MYH13: variants seen among roughly 807,000 people sequenced by gnomAD.
MYH13 encodes myosin heavy chain 13, also known as myosin-13.
A neutral mutation model predicts 232.1 loss-of-function variants in MYH13; 177 were observed. That is an observed-to-expected ratio of 0.76 (90% CI 0.67 to 0.86). The LOEUF is 0.86. Among genes scored for constraint, MYH13 ranks in the 40% least tolerant of loss-of-function variants. The pLI is 0.00. For synonymous variants in MYH13, 884 were observed against 923.5 expected (o/e 0.96, Z 0.78); for missense variants, 2,246 against 2,405.9 (o/e 0.93, Z 1.39).
chr17:10,325,379 A>G (rs2142239466), intron 22 of MYH13, among the ~76,000 whole-genome samples: 1 of 151,854 alleles, frequency 6.6e-6, no homozygotes, highest in South Asian at 2.1e-4. Flanking sequence ...AGGTATCACT[A>G]TGTTGCCCAG....
intron 8 of MYH13, among the ~76,000 whole-genome samples, chr17:10,355,918 A>G (rs1260625241): frequency 1.4e-5 from 2 of 138,902 alleles, no homozygotes; most frequent in Non-Finnish European, 3.0e-5. Context: ...TGAGTTTCAC[A>G]TATGGCTGAC....
chr17:10,328,256 C>T, intron 21 of MYH13, 135 bp from the exon 22 acceptor site: 1 of 965,214 alleles, frequency 1.0e-6, no homozygotes, highest in Non-Finnish European at 1.5e-6. Flanking sequence ...CTTGGCAGAT[C>T]CTCTGGATCC....
chr17:10,347,711 T>A (rs777257298), intron 12 of MYH13, among the ~76,000 whole-genome samples: 19 of 133,272 alleles, frequency 1.4e-4, no homozygotes, highest in Non-Finnish European at 2.1e-4. Context: ...AGGGACTACT[T>A]CTTTTTTTTT....
At position 10,313,066 on chromosome 17, in the gene MYH13, G is replaced by T. The variant is rs1281004967; in HGVS notation, c.4181+92C>A. 2.5e-6 allele frequency: 4 copies of T among 1,575,930 alleles called. No homozygotes were observed. The East Asian group carries it at 9.0e-5, about 35-fold the overall frequency. ...GTGTTTCAGAAACCACAAAGGCGTGGGCAGGAAAGAATCTCTCAAGATATG... is the reference window on the plus strand; with the variant it reads ...GTGTTTCAGAAACCACAAAGGCGTGTGCAGGAAAGAATCTCTCAAGATATG... On this transcript the variant is annotated intron_variant, in intron 30 of 40. Coordinates refer to ENST00000252172, the MANE Select transcript of MYH13 (RefSeq NM_003802.3).
chr17:10,308,364 A>T (rs960254258), intron 35 of MYH13, among the ~76,000 whole-genome samples: 2 of 147,302 alleles, frequency 1.4e-5, no homozygotes, highest in African/African-American at 4.9e-5. Flanking sequence ...TATGTTCATG[A>T]TTGTTAAATT....
chr17:10,344,645 G>A (rs571808989), intron 15 of MYH13, among the ~76,000 whole-genome samples: 1 of 151,072 alleles, frequency 6.6e-6, no homozygotes, highest in Non-Finnish European at 1.5e-5. Context: ...GTGAAACCCC[G>A]TCTCTACAAA....
At chr17:10,320,023 A>G (rs1906874214) in intron 26 of MYH13, 130 bp downstream of exon 26, 2 of 702,816 alleles carry the variant, frequency 2.8e-6, no homozygotes, top group Non-Finnish European at 4.8e-6. Flanking sequence ...ACTAAAGGAA[A>G]TGACAGGACA....
In MYH13 at chr17:10,332,103, G is replaced by A. The variant is rs868549264; in HGVS notation, c.2294C>T (p.Thr765Ile). 8.7e-6 allele frequency: 14 copies of A among 1,613,894 alleles called. No individual in the cohort carries two copies. Among genetic ancestry groups the A allele is most frequent in the East Asian group, 2.2e-5 (1 of 44,874 alleles). Residue 765 changes from threonine (T) to isoleucine (I), a missense_variant, in exon 20 of 41, where the codon ACC (threonine) becomes ATC (isoleucine). Transcript: ENST00000252172. The part of the protein sequence containing the change: ...VDREQFRFGN[T>I]KVFFKAGLLG... ...CCCAGCCTTGCCTGTGCTCACCTTG[G>A]TGTTGCCGAACCTGAACTGCTCCCG...
In MYH13 at chr17:10,306,220, A is replaced by ATGTGTG. The variant is rs34889608; in HGVS notation, c.5466+233_5466+238dup. Reference sequence around the variant, plus strand: ...CTGAGGTGTGAGCATACCAAAATAGATGTGTGTGTGTGTGTGTGTGTGTGT... The same window carrying ATGTGTG: ...CTGAGGTGTGAGCATACCAAAATAGATGTGTGTGTGTGTGTGTGTGTGTGTGTGTGT... On this transcript the variant is annotated intron_variant, in intron 37 of 40. Coordinates refer to ENST00000252172, the MANE Select transcript of MYH13 (RefSeq NM_003802.3). The surrounding 1 kb of genome is among the most constrained non-coding windows in gnomAD (Gnocchi z 4.3). Among the ~76,000 whole-genome samples, 5,233 of 129,954 alleles carry ATGTGTG rather than the reference A, an allele frequency of 0.04. 127 individuals carry two copies. Among genetic ancestry groups the ATGTGTG allele is most frequent in the South Asian group, 0.049 (172 of 3,532 alleles). The allele number at this position is 129,954 out of a possible 152,430, so 85.3% of individuals were successfully genotyped here.
chr17:10,343,668 A>G (rs2071636733), intron 16 of MYH13, 132 bp downstream of exon 16: 1 of 1,089,640 alleles, frequency 9.2e-7, no homozygotes, highest in African/African-American at 1.6e-5. Flanking sequence ...GGAGGAAGAA[A>G]AATGGAGCTG....
At chr17:10,329,210 A>G (rs1354214482) in intron 21 of MYH13, among the ~76,000 whole-genome samples, 1 of 152,126 alleles carries the variant, frequency 6.6e-6, no homozygotes, top group African/African-American at 2.4e-5. Flanking sequence ...TGGCTCTGAC[A>G]GTTAGAGCCA....
At chr17:10,361,545 C>T (rs9807016) in intron 5 of MYH13, among the ~76,000 whole-genome samples, 24,428 of 152,180 alleles carry the variant, frequency 0.16, 2,423 homozygotes, top group Non-Finnish European at 0.23. Flanking sequence ...CCACCTGCCT[C>T]GGCCTCCCAA....
chr17:10,312,627 G>A lies in MYH13; in HGVS notation c.4312C>T (p.Arg1438Cys), dbSNP rs141961168. 0.016 allele frequency: 26,071 copies of A among 1,613,104 alleles called. 271 individuals are homozygous for A. The highest frequency in any genetic ancestry group is 0.02 in the Non-Finnish European group (23,719 of 1,179,584). ...EVEDLMRDLERSHTACATLDK... is the reference protein window; with the variant it reads ...EVEDLMRDLECSHTACATLDK... Reference sequence around the variant, plus strand: ...AGTGTGGCACAGGCGGTGTGGGAGCGCTCCAGATCCCGCATCAGATCCTCC... The same window carrying A: ...AGTGTGGCACAGGCGGTGTGGGAGCACTCCAGATCCCGCATCAGATCCTCC... Residue 1438 changes from arginine (R) to cysteine (C), a missense_variant, in exon 31 of 41, where the codon CGC (arginine) becomes TGC (cysteine). Transcript: ENST00000252172.
chr17:10,335,773 G>C (rs1307374513), intron 18 of MYH13, among the ~76,000 whole-genome samples: 2 of 151,952 alleles, frequency 1.3e-5, no homozygotes, highest in Non-Finnish European at 2.9e-5. Context: ...AAGAGAGAGA[G>C]AGAAAAGATG....
Position 10,321,657 on chromosome 17 carries a change from A to G in MYH13, c.2986T>C (p.Leu996=), listed in dbSNP as rs201994707. 95 of 1,613,642 alleles carry G rather than the reference A, an allele frequency of 5.9e-5. No homozygotes were observed. The highest frequency in any genetic ancestry group is 1.7e-5 in the Admixed American group (1 of 59,990). ...MTALEENISK[L]TKEKKSLQEA... The stretch of plus-strand genomic sequence containing the variant: ...TGTAGAGATTTCTTTTCTTTGGTCA[A>G]TTTGGAAATGTTTTCTTCAAGTGCT... Residue 996 remains leucine (L), a synonymous_variant, in exon 24 of 41, where the codon TTG becomes CTG. Coordinates refer to ENST00000252172, the MANE Select transcript of MYH13 (RefSeq NM_003802.3).
intron 25 of MYH13, 42 bp downstream of exon 25, chr17:10,320,309 G>A (rs759114208): frequency 1.9e-6 from 3 of 1,608,110 alleles, no homozygotes; most frequent in Admixed American, 1.7e-5. Flanking sequence ...GTGAAAGTTG[G>A]CTTTTAGGCT....
Position 10,301,565 on chromosome 17 carries a change from T to C in MYH13, c.5802+4A>G. The C allele has an allele frequency of 6.2e-7, 1 of 1,614,184 alleles. No individual in the cohort carries two copies. Among genetic ancestry groups the C allele is most frequent in the Non-Finnish European group, 8.5e-7 (1 of 1,180,014 alleles). On this transcript the variant is annotated splice_donor_region_variant and intron_variant, in intron 40 of 40. Transcript: ENST00000252172. ...GCCCCTATATCTCAGGTACCTGCTC[T>C]TACCTGGCTGCCCACGTCTCGGCTC...
chr17:10,315,251 C>T (rs1906659239), intron 29 of MYH13, among the ~76,000 whole-genome samples: 2 of 152,174 alleles, frequency 1.3e-5, no homozygotes, highest in Admixed American at 6.5e-5. Flanking sequence ...CCTTAAAGGA[C>T]AGGTTCCCAC....
In MYH13 at chr17:10,319,722, T is replaced by C. The variant is rs144461723; in HGVS notation, c.3348+431A>G. ...AGGAGCAAATTGCAGAGTGATACTC[T>C]CAGTGTGATATGCTAAGAATATGAA... On this transcript the variant is annotated intron_variant, in intron 26 of 40. Coordinates refer to ENST00000252172, the MANE Select transcript of MYH13 (RefSeq NM_003802.3). 1.3e-3 allele frequency among the ~76,000 whole-genome samples: 198 copies of C among 152,270 alleles called. 1 individual carries two copies. The highest frequency in any genetic ancestry group is 4.5e-3 in the African/African-American group (188 of 41,558).
Sources: allele counts gnomAD v4.1 joint callset (sites outside exome capture counted in the v4.1 genomes callset), GRCh38; gene constraint gnomAD v4.1.1; non-coding constraint Gnocchi (gnomAD v3.1); transcripts MANE v1.5; gene names NCBI Gene and HGNC (gene_info 2026-07-23, HGNC 2026-07-21).